Variants in MAPK10 observed in about 807,000 individuals in gnomAD.
MAPK10 encodes JNK3 alpha protein kinase.
MAPK10 carries 25 observed loss-of-function variants against 59.3 expected under a neutral mutation model. That is an observed-to-expected ratio of 0.42 (90% CI 0.31 to 0.59). MAPK10 has a LOEUF of 0.59. Ranked by LOEUF, MAPK10 falls within the 20% of genes least tolerant of loss-of-function variation. MAPK10 has a pLI of 0.15. For synonymous variants in MAPK10, 190 were observed against 200.5 expected (o/e 0.95, Z 0.44); for missense variants, 351 against 568.9 (o/e 0.62, Z 3.90).
rs2093502429 is a variant in MAPK10 at position 86,252,526 on chromosome 4, A to G, written c.-6-58119T>C. Among the ~76,000 whole-genome samples the G allele has an allele frequency of 3.5e-5, 5 of 142,602 alleles. No homozygotes were observed. In the South Asian group the frequency reaches 1.1e-3, roughly 32 times the overall value. The allele number at this position is 142,602 out of a possible 152,430, so 93.6% of individuals were successfully genotyped here. On this transcript the variant is annotated intron_variant, in intron 2 of 13. Transcript: ENST00000641462. Reference sequence around the variant, plus strand: ...CCGAGGGCTCTGTTCTGTTCCATTGATCTATATCTCTGTTTTGGTACCAGT... The same window carrying G: ...CCGAGGGCTCTGTTCTGTTCCATTGGTCTATATCTCTGTTTTGGTACCAGT...
intron 1 of MAPK10, among the ~76,000 whole-genome samples, chr4:86,384,528 G>A (rs954061436): frequency 1.3e-5 from 2 of 152,146 alleles, no homozygotes; most frequent in Admixed American, 1.3e-4. Context: ...TTTACACTAG[G>A]ACCACTCTGG....
chr4:86,575,635 G>A (rs1200364825), intron 1 of MAPK10, among the ~76,000 whole-genome samples: 1 of 151,696 alleles, frequency 6.6e-6, no homozygotes, highest in Non-Finnish European at 1.5e-5. Context: ...TTTGGGAGGG[G>A]ATGACACAGG....
intron 1 of MAPK10, among the ~76,000 whole-genome samples, chr4:86,482,473 A>G (rs956149011): frequency 3.3e-5 from 5 of 152,004 alleles, no homozygotes; most frequent in Non-Finnish European, 7.4e-5. Flanking sequence ...ACGTGCCATG[A>G]TTTGAAGGAT....
At chr4:86,082,924 G>T (rs1383780148) in intron 9 of MAPK10, among the ~76,000 whole-genome samples, 1 of 152,260 alleles carries the variant, frequency 6.6e-6, no homozygotes, top group East Asian at 1.9e-4. Flanking sequence ...AGTCCATCTA[G>T]CCATGCTGTC....
At chr4:86,222,870 T>G in intron 2 of MAPK10, among the ~76,000 whole-genome samples, 1 of 152,210 alleles carries the variant, frequency 6.6e-6, no homozygotes, top group East Asian at 1.9e-4. Flanking sequence ...CATCTTCCTC[T>G]AAGGAGAGTC....
At chr4:86,559,658 C>T (rs575387388) in intron 1 of MAPK10, among the ~76,000 whole-genome samples, 2 of 152,082 alleles carry the variant, frequency 1.3e-5, no homozygotes, top group African/African-American at 2.4e-5. Flanking sequence ...ACCGGCCAGG[C>T]GTGGTGGCTC....
intron 1 of MAPK10, among the ~76,000 whole-genome samples, chr4:86,504,985 C>T (rs1755622518): frequency 6.6e-6 from 1 of 152,166 alleles, no homozygotes; most frequent in South Asian, 2.1e-4. Flanking sequence ...CCCATCCACT[C>T]TGCATCCTCC....
intron 1 of MAPK10, among the ~76,000 whole-genome samples, chr4:86,542,112 A>G (rs1056199659): frequency 6.6e-6 from 1 of 152,152 alleles, no homozygotes; most frequent in African/African-American, 2.4e-5. Flanking sequence ...TATGCATTAT[A>G]TTTTTATTCA....
chr4:86,350,090 C>G (rs537128411), intron 2 of MAPK10, among the ~76,000 whole-genome samples: 1 of 152,136 alleles, frequency 6.6e-6, no homozygotes, highest in Non-Finnish European at 1.5e-5. Flanking sequence ...CTTGCTCTGT[C>G]GCCCAGGTTG....
rs1578233304 is a variant in MAPK10, at chr4:86,322,631, T to A, written c.-7+31899A>T. On this transcript the variant is annotated intron_variant, in intron 2 of 13. Coordinates refer to ENST00000641462, the MANE Select transcript of MAPK10 (RefSeq NM_138982.4). Reference sequence around the variant, plus strand: ...ATGACTAAGTGCCCAGTTCTGAGACTCAGCAGCAATAGCAGAGGTTTACTG... The same window carrying A: ...ATGACTAAGTGCCCAGTTCTGAGACACAGCAGCAATAGCAGAGGTTTACTG... 2.6e-5 allele frequency among the ~76,000 whole-genome samples: 4 copies of A among 152,334 alleles called. No individual in the cohort carries two copies. The South Asian group carries it at 8.3e-4, about 32-fold the overall frequency.
intron 2 of MAPK10, among the ~76,000 whole-genome samples, chr4:86,350,348 G>A (rs573201409): frequency 5.9e-5 from 9 of 152,132 alleles, no homozygotes; most frequent in Middle Eastern, 3.4e-3. Flanking sequence ...TCAAGTAGCT[G>A]GGACTACAGG....
intron 1 of MAPK10, among the ~76,000 whole-genome samples, chr4:86,430,290 G>A (rs114023649): frequency 6.6e-6 from 1 of 152,198 alleles, no homozygotes; most frequent in Non-Finnish European, 1.5e-5. Context: ...GTTATTAAAT[G>A]TATCAATGGT....
chr4:86,071,558 T>C (rs934021339), intron 9 of MAPK10, among the ~76,000 whole-genome samples: 2 of 148,616 alleles, frequency 1.3e-5, no homozygotes, highest in Non-Finnish European at 3.0e-5. Flanking sequence ...CCATCTTGAA[T>C]TGATTTTTGT....
intron 1 of MAPK10, among the ~76,000 whole-genome samples, chr4:86,551,981 T>A (rs996774882): frequency 6.6e-6 from 1 of 152,190 alleles, no homozygotes; most frequent in Non-Finnish European, 1.5e-5. Flanking sequence ...TTTATTTTCA[T>A]AGGATTAAAG....
chr4:86,162,890 G>A (rs916074674), intron 3 of MAPK10, among the ~76,000 whole-genome samples: 1 of 152,090 alleles, frequency 6.6e-6, no homozygotes, highest in Non-Finnish European at 1.5e-5. Flanking sequence ...GATGCACACT[G>A]GAGAAACAGG....
At chr4:86,407,839 T>G (rs1744557636) in intron 1 of MAPK10, among the ~76,000 whole-genome samples, 1 of 152,202 alleles carries the variant, frequency 6.6e-6, no homozygotes, top group African/African-American at 2.4e-5. Context: ...TAGTTGTATA[T>G]GTTTCACTGT....
At chr4:86,502,904 C>T (rs1435749807) in intron 1 of MAPK10, among the ~76,000 whole-genome samples, 1 of 151,984 alleles carries the variant, frequency 6.6e-6, no homozygotes, top group Non-Finnish European at 1.5e-5. Flanking sequence ...TTTTGTGAGG[C>T]TTATTCTGTG....
chr4:86,196,642 T>C (rs2081361306), intron 2 of MAPK10, among the ~76,000 whole-genome samples: 1 of 152,204 alleles, frequency 6.6e-6, no homozygotes, highest in Non-Finnish European at 1.5e-5. Context: ...CCCATGCCTA[T>C]GTCCTGAATG....
chr4:86,043,260 G>C (rs568449615), intron 11 of MAPK10, among the ~76,000 whole-genome samples: 1 of 152,282 alleles, frequency 6.6e-6, no homozygotes, highest in South Asian at 2.1e-4. Flanking sequence ...AGGGAAGAGA[G>C]AACAACCCAC....
Sources: gnomAD v4.1 joint callset for allele counts (sites outside exome capture counted in the v4.1 genomes callset) on GRCh38, gnomAD v4.1.1 for gene constraint, MANE v1.5 for transcripts, NCBI Gene and HGNC (gene_info 2026-07-23, HGNC 2026-07-21) for gene names.